Variants in RPS6KA5 observed in about 807,000 individuals in gnomAD.
The protein encoded by RPS6KA5 is ribosomal protein S6 kinase alpha-5.
A neutral mutation model predicts 85.5 loss-of-function variants in RPS6KA5; 27 were observed. The ratio of observed to expected loss-of-function variants is 0.32; its 90% CI spans 0.23 to 0.44. RPS6KA5 has a LOEUF of 0.44. Among genes scored for constraint, RPS6KA5 ranks in the 20% least tolerant of loss-of-function variants. The probability of loss-of-function intolerance (pLI) is 1.00; values close to 1 mark genes in which losing one functional copy is unlikely to be tolerated. For synonymous variants in RPS6KA5, 334 were observed against 348.2 expected, an observed-to-expected ratio of 0.96 and a Z score of 0.46; for missense variants, 811 against 980.9, an observed-to-expected ratio of 0.83 and a Z score of 2.31.
At chr14:90,876,067 C>T (rs1168743956) in intron 14 of RPS6KA5, among the ~76,000 whole-genome samples, 1 of 151,858 alleles carries the variant, frequency 6.6e-6, no homozygotes, top group South Asian at 2.1e-4. Context: ...AAAAAGATTA[C>T]GTGACTTCTA....
At chr14:90,963,412 T>A (rs2038905485) in intron 3 of RPS6KA5, among the ~76,000 whole-genome samples, 1 of 152,132 alleles carries the variant, frequency 6.6e-6, no homozygotes, top group South Asian at 2.1e-4. Flanking sequence ...CTGGTAAATT[T>A]TAGGGAGAGG....
At position 90,851,624 on chromosome 14, in the gene RPS6KA5, C is replaced by G. The variant is rs2032000874; in HGVS notation, c.*20450G>C. On this transcript the variant is annotated 3_prime_UTR_variant, in exon 17 of 17. Transcript: ENST00000614987. ...TTTCCACAAAATCCTCAGTAATACT[C>G]AGAGAGAGTGTCATATCTAGTACAT... The G allele has an allele frequency of 6.6e-6, 1 of 152,016 alleles. No homozygotes were observed. 9.4% of individuals were successfully genotyped at this position (152,016 alleles called of 1,614,324 possible). A position where few individuals can be genotyped will look rare whatever the true frequency, so the allele number is the denominator to read the frequency against.
At chr14:90,943,985 T>C (rs2037732954) in intron 4 of RPS6KA5, among the ~76,000 whole-genome samples, 1 of 152,188 alleles carries the variant, frequency 6.6e-6, no homozygotes, top group Admixed American at 6.5e-5. Context: ...CCAGAGTAGC[T>C]GGGATTACAG....
intron 2 of RPS6KA5, among the ~76,000 whole-genome samples, chr14:90,988,480 C>T (rs564526203): frequency 1.3e-5 from 2 of 152,298 alleles, no homozygotes; most frequent in East Asian, 3.9e-4. Flanking sequence ...CTATACTACA[C>T]TAAGATGGTT....
intron 5 of RPS6KA5, among the ~76,000 whole-genome samples, chr14:90,926,510 T>G (rs1340610457): frequency 6.6e-6 from 1 of 152,128 alleles, no homozygotes; most frequent in South Asian, 2.1e-4. Context: ...TATTCCTGAT[T>G]GGCCACATTC....
intron 7 of RPS6KA5, among the ~76,000 whole-genome samples, chr14:90,912,447 C>G (rs773358967): frequency 6.6e-6 from 1 of 152,216 alleles, no homozygotes; most frequent in Non-Finnish European, 1.5e-5. Flanking sequence ...CCAGTCCAAC[C>G]TCACAGTAGC....
chr14:91,034,727 C>T (rs1277704565), intron 1 of RPS6KA5, among the ~76,000 whole-genome samples: 4 of 152,170 alleles, frequency 2.6e-5, no homozygotes, highest in Non-Finnish European at 4.4e-5. Context: ...AATCTTGCTG[C>T]GGTGCACTCT....
chr14:90,992,856 A>G (rs117687502), intron 2 of RPS6KA5, among the ~76,000 whole-genome samples: 237 of 152,308 alleles, frequency 1.6e-3, no homozygotes, highest in South Asian at 4.1e-3. Context: ...ACACATTTCA[A>G]GATTACTGTG....
Position 91,049,400 on chromosome 14 carries a change from G to C in RPS6KA5, c.103+10932C>G, listed in dbSNP as rs189668204. 2.2e-3 allele frequency among the ~76,000 whole-genome samples: 333 copies of C among 152,202 alleles called. 2 individuals are homozygous for C. Among genetic ancestry groups the C allele is most frequent in the Non-Finnish European group, 3.8e-3 (258 of 68,006 alleles). On this transcript the variant is annotated intron_variant, in intron 1 of 16. Coordinates refer to ENST00000614987, the MANE Select transcript of RPS6KA5 (RefSeq NM_004755.4). ...GAGGCTGAGGTGGGTGGATCACAAGGTCAGGAGATTGAGACCATCCTGGCT... is the reference window on the plus strand; with the variant it reads ...GAGGCTGAGGTGGGTGGATCACAAGCTCAGGAGATTGAGACCATCCTGGCT...
At chr14:91,004,361 G>A (rs1023316022) in intron 1 of RPS6KA5, among the ~76,000 whole-genome samples, 2 of 151,792 alleles carry the variant, frequency 1.3e-5, no homozygotes, top group Non-Finnish European at 1.5e-5. Flanking sequence ...GTGAGCCACC[G>A]CGCCTTCACT....
At chr14:91,012,091 T>A (rs1010199305) in intron 1 of RPS6KA5, among the ~76,000 whole-genome samples, 9 of 151,348 alleles carry the variant, frequency 5.9e-5, no homozygotes, top group African/African-American at 1.7e-4. Flanking sequence ...CTTGACAGAT[T>A]TTTTTTTCTT....
chr14:90,939,086 G>A (rs1229546949), intron 5 of RPS6KA5, among the ~76,000 whole-genome samples: 1 of 152,152 alleles, frequency 6.6e-6, no homozygotes, highest in Non-Finnish European at 1.5e-5. Context: ...TAAATGCTTT[G>A]CTGCTTAGTA....
At chr14:90,956,784 C>A (rs1318576439) in intron 3 of RPS6KA5, among the ~76,000 whole-genome samples, 1 of 151,566 alleles carries the variant, frequency 6.6e-6, no homozygotes, top group Non-Finnish European at 1.5e-5. Context: ...AACATTAATT[C>A]TATATATCTA....
chr14:90,965,853 T>C (rs914497083), intron 3 of RPS6KA5, among the ~76,000 whole-genome samples: 1 of 151,572 alleles, frequency 6.6e-6, no homozygotes, highest in Non-Finnish European at 1.5e-5. Context: ...CCAAAGGAAG[T>C]AGGAGAATAG....
chr14:90,880,864 C>T (rs960706853), intron 14 of RPS6KA5, among the ~76,000 whole-genome samples: 4 of 142,808 alleles, frequency 2.8e-5, no homozygotes, highest in Admixed American at 7.2e-5. Context: ...GACAAGGTGT[C>T]GCTCTGTTTC....
chr14:90,858,529 A>T lies in RPS6KA5; in HGVS notation c.*13545T>A, dbSNP rs895439432. On this transcript the variant is annotated 3_prime_UTR_variant, in exon 17 of 17. Transcript: ENST00000614987. ...GAAGTCAATATACTAGAGCTAAACGAAAGTAATAATAAAAGCGAGAGTTCG... is the reference window on the plus strand; with the variant it reads ...GAAGTCAATATACTAGAGCTAAACGTAAGTAATAATAAAAGCGAGAGTTCG... The T allele has an allele frequency of 6.6e-6, 1 of 152,232 alleles. No individual in the cohort carries two copies. Among genetic ancestry groups the T allele is most frequent in the Non-Finnish European group, 1.5e-5 (1 of 68,042 alleles). 9.4% of individuals were successfully genotyped at this position (152,232 alleles called of 1,614,324 possible).
chr14:91,032,323 G>C (rs1595515526), intron 1 of RPS6KA5, among the ~76,000 whole-genome samples: 1 of 152,292 alleles, frequency 6.6e-6, no homozygotes, highest in South Asian at 2.1e-4. Context: ...ATTCTTAGGG[G>C]CTTGGGCTTC....
chr14:90,895,990 A>C, intron 12 of RPS6KA5, among the ~76,000 whole-genome samples: 1 of 152,260 alleles, frequency 6.6e-6, no homozygotes, highest in East Asian at 1.9e-4. Context: ...ATGCATTATA[A>C]GGCCAACATC....
chr14:90,950,596 G>A (rs1236943913), intron 3 of RPS6KA5, among the ~76,000 whole-genome samples: 1 of 152,202 alleles, frequency 6.6e-6, no homozygotes, highest in African/African-American at 2.4e-5. Context: ...TTATTATGAA[G>A]GAGTTGAATT....
Sources: gnomAD v4.1 joint callset for allele counts (sites outside exome capture counted in the v4.1 genomes callset) on GRCh38, gnomAD v4.1.1 for gene constraint, MANE v1.5 for transcripts, NCBI Gene and HGNC (gene_info 2026-07-23, HGNC 2026-07-21) for gene names.